PTPRD: variants seen among roughly 807,000 people sequenced by gnomAD.
PTPRD encodes the protein protein tyrosine phosphatase receptor type D, also known as receptor-type tyrosine-protein phosphatase delta.
PTPRD carries 34 observed loss-of-function variants against 214.5 expected under a neutral mutation model. That is an observed-to-expected ratio of 0.16 (90% CI 0.12 to 0.21). PTPRD has a LOEUF of 0.21. Ranked by LOEUF, PTPRD falls within the 10% of genes least tolerant of loss-of-function variation. PTPRD has a pLI of 1.00. For synonymous variants in PTPRD, 1,128 were observed against 845.7 expected, an observed-to-expected ratio of 1.33 and a Z score of -5.79; for missense variants, 2,545 against 2,398.7, an observed-to-expected ratio of 1.06 and a Z score of -1.27.
rs370813854 is a variant in PTPRD, at chr9:9,715,908, T to G, written c.-287+18625A>C. 1.4e-3 allele frequency among the ~76,000 whole-genome samples: 210 copies of G among 152,264 alleles called. 1 individual carries two copies. The highest frequency in any genetic ancestry group is 4.8e-3 in the African/African-American group (199 of 41,554). On this transcript the variant is annotated intron_variant, in intron 7 of 45. Coordinates refer to ENST00000381196, the MANE Select transcript of PTPRD (RefSeq NM_002839.4). ...AGGGTACATGTGCACAATGTGCAGG[T>G]TAGTTACGTATGTATACATGTGCCA...
At chr9:10,338,755 T>C (rs1352438441) in intron 3 of PTPRD, among the ~76,000 whole-genome samples, 1 of 151,734 alleles carries the variant, frequency 6.6e-6, no homozygotes, top group African/African-American at 2.4e-5. Flanking sequence ...AAGGCATTGC[T>C]TTTGAGAGAG....
intron 3 of PTPRD, among the ~76,000 whole-genome samples, chr9:10,289,364 A>G (rs1341096996): frequency 6.6e-6 from 1 of 152,178 alleles, no homozygotes; most frequent in Non-Finnish European, 1.5e-5. Context: ...TAAACTACAG[A>G]GCAAGCTCCA....
At chr9:9,958,441 G>T (rs1055563539) in intron 4 of PTPRD, among the ~76,000 whole-genome samples, 1 of 152,134 alleles carries the variant, frequency 6.6e-6, no homozygotes, top group South Asian at 2.1e-4. Context: ...TGAGGCAGGA[G>T]AATTGCTTGA....
At chr9:8,319,732 G>A (rs1326382442) in intron 45 of PTPRD, 99 bp downstream of exon 45, 7 of 1,419,614 alleles carry the variant, frequency 4.9e-6, no homozygotes, top group Non-Finnish European at 5.8e-6. Context: ...TTTCCCCACA[G>A]TATTTTGTGT....
In PTPRD at chr9:8,933,858, A is replaced by G. The variant is rs1006370147; in HGVS notation, c.-104+84839T>C. On this transcript the variant is annotated intron_variant, in intron 11 of 45. Coordinates refer to ENST00000381196, the MANE Select transcript of PTPRD (RefSeq NM_002839.4). The stretch of plus-strand genomic sequence containing the variant: ...TAATCTTTTCTACTATTAATGGTCA[A>G]AAGTTTAACAGACTTTAATAAATCA... Among the ~76,000 whole-genome samples, 82 of 152,282 alleles carry G rather than the reference A, an allele frequency of 5.4e-4. 1 individual carries two copies. The highest frequency in any genetic ancestry group is 1.9e-3 in the African/African-American group (79 of 41,562).
At chr9:9,631,434 T>G (rs1032500739) in intron 7 of PTPRD, among the ~76,000 whole-genome samples, 3 of 152,160 alleles carry the variant, frequency 2.0e-5, no homozygotes, top group Non-Finnish European at 2.9e-5. Flanking sequence ...ATGTTAAATT[T>G]GACTCATTTG....
chr9:9,748,972 T>C (rs1431694567), intron 6 of PTPRD, among the ~76,000 whole-genome samples: 3 of 152,172 alleles, frequency 2.0e-5, no homozygotes, highest in African/African-American at 4.8e-5. Context: ...AAATCAATAG[T>C]GTGGCAAAAC....
At chr9:10,526,138 G>C (rs1391889679) in intron 2 of PTPRD, among the ~76,000 whole-genome samples, 1 of 151,994 alleles carries the variant, frequency 6.6e-6, no homozygotes, top group African/African-American at 2.4e-5. Flanking sequence ...AAGATATAAA[G>C]TCTCTCTGAG....
rs184678057 is a variant in PTPRD at position 10,556,561 on chromosome 9, T to C, written c.-600+55837A>G. On this transcript the variant is annotated intron_variant, in intron 2 of 45. Transcript: ENST00000381196. ...AGAAAGGCCCTCAAAAGTTTAAAAG[T>C]CCTTAATAATTGTTACTTTTCCTGT... Among the ~76,000 whole-genome samples, 341 of 152,186 alleles carry C rather than the reference T, an allele frequency of 2.2e-3. 1 individual carries two copies. Among genetic ancestry groups the C allele is most frequent in the African/African-American group, 8.0e-3 (331 of 41,560 alleles).
chr9:9,638,660 C>T (rs754613714), intron 7 of PTPRD, among the ~76,000 whole-genome samples: 6 of 152,130 alleles, frequency 3.9e-5, no homozygotes, highest in South Asian at 4.1e-4. Flanking sequence ...TACCTAGTGC[C>T]GAAACCACTT....
chr9:9,504,412 C>T (rs2096522592), intron 8 of PTPRD, among the ~76,000 whole-genome samples: 1 of 151,608 alleles, frequency 6.6e-6, no homozygotes, highest in Non-Finnish European at 1.5e-5. Flanking sequence ...GCAAATTATA[C>T]AACCCTTGTC....
chr9:8,610,349 C>A (rs770387792), intron 14 of PTPRD, among the ~76,000 whole-genome samples: 2 of 152,078 alleles, frequency 1.3e-5, no homozygotes, highest in Non-Finnish European at 2.9e-5. Flanking sequence ...TTTCAGTATT[C>A]AGAGGAAAAA....
chr9:9,777,852 A>G (rs1309695923), intron 5 of PTPRD, among the ~76,000 whole-genome samples: 2 of 152,246 alleles, frequency 1.3e-5, no homozygotes, highest in Non-Finnish European at 2.9e-5. Context: ...TTAGAGTACC[A>G]TCAGGTGAAA....
chr9:8,761,999 G>A (rs889946503), intron 11 of PTPRD, among the ~76,000 whole-genome samples: 1 of 152,028 alleles, frequency 6.6e-6, no homozygotes, highest in African/African-American at 2.4e-5. Flanking sequence ...CCCAATTTAG[G>A]TACATTAAAA....
intron 11 of PTPRD, among the ~76,000 whole-genome samples, chr9:8,984,935 T>C (rs1446096448): frequency 6.6e-6 from 1 of 152,116 alleles, no homozygotes; most frequent in South Asian, 2.1e-4. Flanking sequence ...TTTACAATCT[T>C]ATTTGCTCAG....
At chr9:8,883,026 T>C (rs189143085) in intron 11 of PTPRD, among the ~76,000 whole-genome samples, 1,557 of 152,178 alleles carry the variant, frequency 0.01, 10 homozygotes, top group Middle Eastern at 0.054. Context: ...ACATACTTTT[T>C]TCCCCCCACA....
intron 5 of PTPRD, among the ~76,000 whole-genome samples, chr9:9,811,424 T>C (rs1335203092): frequency 6.6e-6 from 1 of 151,832 alleles, no homozygotes; most frequent in Non-Finnish European, 1.5e-5. Context: ...GCAAAGAAAG[T>C]GGGCCAGGCG....
At chr9:9,231,166 G>A (rs1446883438) in intron 9 of PTPRD, among the ~76,000 whole-genome samples, 4 of 152,078 alleles carry the variant, frequency 2.6e-5, no homozygotes, top group Non-Finnish European at 1.5e-5. Flanking sequence ...CTATTGGTGA[G>A]AAAATTAGTT....
intron 8 of PTPRD, among the ~76,000 whole-genome samples, chr9:9,566,984 T>A (rs1208550759): frequency 6.6e-6 from 1 of 151,948 alleles, no homozygotes; most frequent in Non-Finnish European, 1.5e-5. Flanking sequence ...GGGCACCAAT[T>A]TTACCCTCAA....
Sources: allele counts gnomAD v4.1 joint callset (sites outside exome capture counted in the v4.1 genomes callset), GRCh38; gene constraint gnomAD v4.1.1; transcripts MANE v1.5; gene names NCBI Gene and HGNC (gene_info 2026-07-23, HGNC 2026-07-21).